The following ZNF83 variants were observed in gnomAD, a reference collection of about 807,000 sequenced individuals.
ZNF83 encodes the protein zinc finger protein 83, also known as zinc finger protein 816B.
For missense variants in ZNF83, 552 were observed against 629.9 expected, an observed-to-expected ratio of 0.88 and a Z score of 1.32; for synonymous variants, 209 against 213.0, an observed-to-expected ratio of 0.98 and a Z score of 0.17.
intron 3 of ZNF83, chr19:52,653,970 A>G: frequency 7.4e-7 from 1 of 1,355,134 alleles, no homozygotes; most frequent in Non-Finnish European, 1.1e-6. Context: ...AGTTCTTCCC[A>G]TACCTATTAG....
exon 3 of ZNF83, chr19:52,614,504 G>A: frequency 1.2e-6 from 2 of 1,605,644 alleles, no homozygotes; most frequent in Non-Finnish European, 1.7e-6. Context: ...TGTGACTGCG[G>A]GTTTAATCCA....
intron 2 of ZNF83, chr19:52,618,768 A>G (rs1418945801): frequency 3.3e-6 from 4 of 1,211,654 alleles, no homozygotes; most frequent in Admixed American, 2.7e-5. Flanking sequence ...CAGAACATCT[A>G]AAAAAGGGGA....
At chr19:52,687,314 C>T (rs1434578498) in intron 1 of ZNF83, among the ~76,000 whole-genome samples, 1 of 135,436 alleles carries the variant, frequency 7.4e-6, no homozygotes, top group Non-Finnish European at 1.5e-5. Context: ...TTTAAAACCC[C>T]GTTTTACAAT....
At position 52,653,091 on chromosome 19, in the gene ZNF83, A is replaced by G. The variant is rs908472807; in HGVS notation, c.-74+2470T>C. On this transcript the variant is annotated intron_variant, in intron 3 of 5. Coordinates refer to the ZNF83 transcript ENST00000594682. ...GTTTCTCTCCAGTATGAATTGCCTT[A>G]TGAATTAGAAGGGATGAATTTCGAG... 53 of 1,480,446 alleles carry G rather than the reference A, an allele frequency of 3.6e-5. No individual in the cohort carries two copies. In the African/African-American group the frequency reaches 7.4e-4, roughly 21 times the overall value. 91.7% of individuals were successfully genotyped at this position (1,480,446 alleles called of 1,614,324 possible). A position where few individuals can be genotyped will look rare whatever the true frequency, so the allele number is the denominator to read the frequency against.
At chr19:52,612,893 T>TA (rs2060150075) in exon 3 of ZNF83, 8 of 811,722 alleles carry the variant, frequency 9.9e-6, no homozygotes, top group South Asian at 9.6e-5. Flanking sequence ...AGCTAACGGT[T>TA]ATTAAGCCTT....
At chr19:52,678,889 C>T (rs1421780516) in intron 1 of ZNF83, among the ~76,000 whole-genome samples, 1 of 151,304 alleles carries the variant, frequency 6.6e-6, no homozygotes, top group African/African-American at 2.4e-5. Context: ...GCAGGAGAAT[C>T]ACTTGAACCC....
At chr19:52,676,415 G>C (rs1485482070) in intron 1 of ZNF83, among the ~76,000 whole-genome samples, 4 of 152,196 alleles carry the variant, frequency 2.6e-5, no homozygotes, top group Non-Finnish European at 5.9e-5. Flanking sequence ...CGTCTGGGAA[G>C]TGAGGAGCGT....
rs549825399 is a variant in ZNF83 at position 52,647,172 on chromosome 19, G to A, written c.-74+8389C>T. Among the ~76,000 whole-genome samples the A allele has an allele frequency of 1.1e-4, 16 of 152,260 alleles. No individual in the cohort carries two copies. The East Asian group carries it at 2.1e-3, about 20-fold the overall frequency. ...TACACCACCCTGCAAAAAGGGAAGA[G>A]AGTGAGACTCTCAAGTGAATAAATC... On this transcript the variant is annotated intron_variant, in intron 3 of 5. Transcript: ENST00000594682.
At chr19:52,624,350 T>C (rs183914074) in intron 2 of ZNF83, among the ~76,000 whole-genome samples, 5 of 152,310 alleles carry the variant, frequency 3.3e-5, no homozygotes, top group Non-Finnish European at 5.9e-5. Context: ...CATGAAAACA[T>C]GCATGCTATC....
chr19:52,674,063 A>G (rs1750500137), intron 1 of ZNF83: 1 of 152,196 alleles, frequency 6.6e-6, no homozygotes, highest in Non-Finnish European at 1.5e-5. Flanking sequence ...TGAACTTGGA[A>G]AGCACCACAC....
chr19:52,667,551 G>A (rs2147299855), intron 1 of ZNF83, among the ~76,000 whole-genome samples: 1 of 152,282 alleles, frequency 6.6e-6, no homozygotes, highest in African/African-American at 2.4e-5. Context: ...GCAGAAGAAT[G>A]TGGATTTTTA....
intron 2 of ZNF83, among the ~76,000 whole-genome samples, chr19:52,623,426 C>T (rs762773997): frequency 1.3e-5 from 2 of 152,202 alleles, no homozygotes; most frequent in Non-Finnish European, 2.9e-5. Context: ...CCCCTTAAAA[C>T]TTCCCAATTT....
chr19:52,616,074 GTGATCCACC>G (rs1270875932), intron 2 of ZNF83, among the ~76,000 whole-genome samples: 1 of 152,184 alleles, frequency 6.6e-6, no homozygotes, highest in Non-Finnish European at 1.5e-5. Flanking sequence ...CTGACCTTAG[GTGATCCACC>G]CACCTTGGGC....
At chr19:52,673,656 T>C (rs1289273867) in intron 1 of ZNF83, among the ~76,000 whole-genome samples, 2 of 152,186 alleles carry the variant, frequency 1.3e-5, no homozygotes, top group African/African-American at 4.8e-5. Flanking sequence ...TTTTGTTTTT[T>C]GTTTTTTCTG....
intron 2 of ZNF83, among the ~76,000 whole-genome samples, chr19:52,632,048 G>A (rs71363387): frequency 1.6e-4 from 24 of 152,122 alleles, no homozygotes; most frequent in Non-Finnish European, 3.2e-4. Flanking sequence ...CTTAGTCTAG[G>A]TAGATACTTT....
chr19:52,657,792 A>T (rs1184478311), intron 2 of ZNF83, among the ~76,000 whole-genome samples: 2 of 151,786 alleles, frequency 1.3e-5, no homozygotes, highest in African/African-American at 4.9e-5. Flanking sequence ...GGTTGCAGTG[A>T]GCCGAGATTG....
chr19:52,676,316 G>C (rs1039899354), intron 1 of ZNF83, among the ~76,000 whole-genome samples: 24 of 152,166 alleles, frequency 1.6e-4, no homozygotes, highest in Non-Finnish European at 3.1e-4. Flanking sequence ...GCAGTGGCCT[G>C]ATCTCGGCTC....
chr19:52,637,638 G>C (rs2061194634), intron 1 of ZNF83, among the ~76,000 whole-genome samples: 1 of 151,662 alleles, frequency 6.6e-6, no homozygotes, highest in African/African-American at 2.4e-5. Context: ...CTTTTCTACT[G>C]CTCTGTCTCC....
At chr19:52,612,854 A>G (rs1231423440) in exon 3 of ZNF83, 1 of 608,536 alleles carries the variant, frequency 1.6e-6, no homozygotes, top group African/African-American at 1.9e-5. Flanking sequence ...CATTCAGTAC[A>G]TTAGTAAAGT....
Sources: gnomAD v4.1 joint callset for allele counts (sites outside exome capture counted in the v4.1 genomes callset) on GRCh38, gnomAD v4.1.1 for gene constraint, MANE v1.5 for transcripts, NCBI Gene and HGNC (gene_info 2026-07-23, HGNC 2026-07-21) for gene names.